TAFA2: variants seen among roughly 807,000 people sequenced by gnomAD.
TAFA2 encodes the protein TAFA chemokine like family member 2.
A neutral mutation model predicts 18.8 loss-of-function variants in TAFA2; 7 were observed. That is an observed-to-expected ratio of 0.37 (90% confidence interval 0.21 to 0.70). The LOEUF (loss-of-function observed/expected upper bound fraction) is 0.70. TAFA2 is among the 30% of genes least tolerant of loss of function. TAFA2 has a pLI of 0.53. For synonymous variants in TAFA2, 60 were observed against 54.2 expected (o/e 1.11, Z -0.47); for missense variants, 122 against 158.1 (o/e 0.77, Z 1.23).
At chr12:61,837,177 T>C (rs557064995) in intron 2 of TAFA2, among the ~76,000 whole-genome samples, 1 of 152,066 alleles carries the variant, frequency 6.6e-6, no homozygotes, top group African/African-American at 2.4e-5. Context: ...ACAAATTTGA[T>C]GGGGATTGCA....
At chr12:62,230,704 G>A (rs2062808593) in intron 1 of TAFA2, among the ~76,000 whole-genome samples, 1 of 152,034 alleles carries the variant, frequency 6.6e-6, no homozygotes, top group South Asian at 2.1e-4. Context: ...TTGATATAGG[G>A]TCTCACCCTG....
At chr12:62,029,815 C>T (rs1592559849) in intron 1 of TAFA2, among the ~76,000 whole-genome samples, 1 of 84,090 alleles carries the variant, frequency 1.2e-5, no homozygotes, top group African/African-American at 4.3e-5. Flanking sequence ...CTTCCTATCT[C>T]TCTCTCTCTC....
In TAFA2 at chr12:62,169,617, C is replaced by T. The variant is rs373774856; in HGVS notation, c.-2+21642G>A. Among the ~76,000 whole-genome samples the T allele has an allele frequency of 1.2e-4, 18 of 152,084 alleles. No individual in the cohort carries two copies. In the East Asian group the frequency reaches 1.9e-3, roughly 16 times the overall value. ...CTGTAATCCCAGCATTTTGGGAGGC[C>T]GAGGCGGGCAGATCACGAGGTCAGG... is the stretch of plus-strand genomic sequence containing the variant. On this transcript the variant is annotated intron_variant, in intron 1 of 4. Coordinates refer to ENST00000416284, the MANE Select transcript of TAFA2 (RefSeq NM_178539.5).
chr12:61,835,718 T>C (rs1051187262), intron 2 of TAFA2, among the ~76,000 whole-genome samples: 2 of 152,008 alleles, frequency 1.3e-5, no homozygotes, highest in African/African-American at 4.8e-5. Context: ...ACATAGATCT[T>C]GGACATACAT....
At chr12:61,771,623 A>G (rs1870026679) in intron 2 of TAFA2, among the ~76,000 whole-genome samples, 1 of 152,014 alleles carries the variant, frequency 6.6e-6, no homozygotes, top group Admixed American at 6.6e-5. Context: ...TTTGCCCCTG[A>G]ATGATTGTTG....
chr12:62,250,886 AGAG>A (rs1189304686), intron 1 of TAFA2, among the ~76,000 whole-genome samples: 4 of 151,286 alleles, frequency 2.6e-5, no homozygotes, highest in Non-Finnish European at 5.9e-5. Context: ...TCTGGTTTAA[AGAG>A]GATGAGAGAT....
intron 1 of TAFA2, among the ~76,000 whole-genome samples, chr12:61,876,544 C>T (rs982564110): frequency 6.6e-6 from 1 of 152,126 alleles, no homozygotes; most frequent in African/African-American, 2.4e-5. Flanking sequence ...ACCATTAAAA[C>T]ATGGAACCTC....
intron 1 of TAFA2, among the ~76,000 whole-genome samples, chr12:62,226,458 A>G (rs963836701): frequency 2.0e-5 from 3 of 152,064 alleles, no homozygotes; most frequent in African/African-American, 7.2e-5. Context: ...CGGCCTCCCA[A>G]AGTGCTGGGA....
chr12:61,907,864 G>T (rs1876429095), intron 1 of TAFA2, among the ~76,000 whole-genome samples: 1 of 152,150 alleles, frequency 6.6e-6, no homozygotes, highest in Non-Finnish European at 1.5e-5. Flanking sequence ...AGATCATTTT[G>T]GAACTTTAAG....
intron 2 of TAFA2, among the ~76,000 whole-genome samples, chr12:61,849,189 G>A (rs1230734691): frequency 1.3e-5 from 2 of 151,950 alleles, no homozygotes; most frequent in African/African-American, 4.8e-5. Context: ...TTCATTTTAG[G>A]TCTTTATACC....
chr12:61,737,160 G>A (rs191169699), intron 4 of TAFA2, among the ~76,000 whole-genome samples: 1 of 151,726 alleles, frequency 6.6e-6, no homozygotes, highest in Non-Finnish European at 1.5e-5. Context: ...AAAAATCTAG[G>A]TCTATTTTAA....
At chr12:62,032,117 A>C (rs1170074381) in intron 1 of TAFA2, among the ~76,000 whole-genome samples, 1 of 152,192 alleles carries the variant, frequency 6.6e-6, no homozygotes, top group Non-Finnish European at 1.5e-5. Flanking sequence ...ACCAACCTGG[A>C]AAAGTATAGC....
chr12:61,900,143 T>C (rs901197737), intron 1 of TAFA2, among the ~76,000 whole-genome samples: 1 of 152,226 alleles, frequency 6.6e-6, no homozygotes, highest in Admixed American at 6.5e-5. Context: ...GTTTTTGCCA[T>C]TGTGAACAAT....
At chr12:61,774,107 A>G (rs1870152513) in intron 2 of TAFA2, among the ~76,000 whole-genome samples, 1 of 152,024 alleles carries the variant, frequency 6.6e-6, no homozygotes, top group Non-Finnish European at 1.5e-5. Context: ...AATGCTCAAT[A>G]TCACTAATTA....
chr12:62,140,107 T>G (rs1419308377), intron 1 of TAFA2: 1 of 152,184 alleles, frequency 6.6e-6, no homozygotes, highest in African/African-American at 2.4e-5. Flanking sequence ...TAAATGTGTT[T>G]TATGAAGAGA....
At chr12:61,713,750 A>G (rs1199769795) in intron 4 of TAFA2, among the ~76,000 whole-genome samples, 1 of 152,186 alleles carries the variant, frequency 6.6e-6, no homozygotes, top group Non-Finnish European at 1.5e-5. Flanking sequence ...TATGATTTGT[A>G]TGCTTATTTT....
intron 1 of TAFA2, among the ~76,000 whole-genome samples, chr12:62,013,372 C>T (rs2136716923): frequency 6.6e-6 from 1 of 152,224 alleles, no homozygotes; most frequent in African/African-American, 2.4e-5. Context: ...CACAATTTTC[C>T]TGGTTAACAT....
rs74544291 is a variant in TAFA2, at chr12:61,878,089, C to T, written c.-1-10663G>A. The T allele has an allele frequency of 4.1e-3, 1,848 of 454,884 alleles. 29 individuals are homozygous for T. Among genetic ancestry groups the T allele is most frequent in the African/African-American group, 0.034 (1,704 of 50,064 alleles). 28.2% of individuals were successfully genotyped at this position (454,884 alleles called of 1,614,324 possible). ...GTGGTCCTACTTACATGAGAGATAC[C>T]TAGAATAGTCAAATTCGTTGAGACA... On this transcript the variant is annotated intron_variant, in intron 1 of 4. Transcript: ENST00000416284.
intron 1 of TAFA2, among the ~76,000 whole-genome samples, chr12:61,882,977 C>G (rs1875214150): frequency 6.6e-6 from 1 of 152,146 alleles, no homozygotes; most frequent in African/African-American, 2.4e-5. Context: ...ATATTATCTA[C>G]AAAGCCAAAG....
Sources: gnomAD v4.1 joint callset for allele counts (sites outside exome capture counted in the v4.1 genomes callset) on GRCh38, gnomAD v4.1.1 for gene constraint, MANE v1.5 for transcripts, NCBI Gene and HGNC (gene_info 2026-07-23, HGNC 2026-07-21) for gene names.